The following FGF14 variants were observed in gnomAD, a reference collection of about 807,000 sequenced individuals.
FGF14 encodes fibroblast growth factor 14.
In FGF14, 5 loss-of-function variants were observed where a neutral mutation model predicts 25.5. The ratio of observed to expected loss-of-function variants is 0.20; its 90% CI spans 0.10 to 0.41. The LOEUF is 0.41. Among genes scored for constraint, FGF14 ranks in the 10% least tolerant of loss-of-function variants. The pLI, the probability that FGF14 is intolerant of heterozygous loss-of-function variation, is 1.00. For synonymous variants in FGF14, 138 were observed against 118.3 expected (o/e 1.17, Z -1.08); for missense variants, 222 against 320.1 (o/e 0.69, Z 2.34).
intron 1 of FGF14, among the ~76,000 whole-genome samples, chr13:102,154,117 C>T (rs1436292026): frequency 6.6e-6 from 1 of 152,052 alleles, no homozygotes; most frequent in Non-Finnish European, 1.5e-5. Flanking sequence ...TCTTTGAACT[C>T]CCAATCTAGC....
chr13:101,890,352 A>G (rs755835231), intron 1 of FGF14, among the ~76,000 whole-genome samples: 20 of 152,020 alleles, frequency 1.3e-4, no homozygotes, highest in Non-Finnish European at 2.5e-4. Flanking sequence ...GAAAAAAAAA[A>G]CACATTGTTC....
intron 1 of FGF14, among the ~76,000 whole-genome samples, chr13:102,063,387 G>A (rs1448515130): frequency 2.0e-5 from 3 of 152,108 alleles, no homozygotes; most frequent in Admixed American, 1.3e-4. Context: ...GGCCAAGATG[G>A]GCAGACTGCC....
chr13:101,739,846 G>A (rs560220236), intron 3 of FGF14, among the ~76,000 whole-genome samples: 26 of 152,276 alleles, frequency 1.7e-4, no homozygotes, highest in Non-Finnish European at 3.1e-4. Context: ...GCAGCCCAGC[G>A]CCAGGCCTGA....
chr13:102,144,886 C>G (rs908510378), intron 1 of FGF14, among the ~76,000 whole-genome samples: 3 of 152,112 alleles, frequency 2.0e-5, no homozygotes, highest in Non-Finnish European at 4.4e-5. Context: ...TGATCTAAAT[C>G]AGAAAAGGTA....
At chr13:101,806,648 A>G (rs2041222375) in intron 3 of FGF14, among the ~76,000 whole-genome samples, 1 of 152,146 alleles carries the variant, frequency 6.6e-6, no homozygotes, top group African/African-American at 2.4e-5. Flanking sequence ...AGAATCATTT[A>G]GGTACTGGAG....
intron 3 of FGF14, among the ~76,000 whole-genome samples, chr13:101,861,266 C>A (rs991728288): frequency 6.6e-6 from 1 of 152,074 alleles, no homozygotes; most frequent in Non-Finnish European, 1.5e-5. Flanking sequence ...ATAGTCATTC[C>A]ATGACTATAA....
chr13:101,968,044 A>C (rs1223856450), intron 1 of FGF14, among the ~76,000 whole-genome samples: 4 of 152,212 alleles, frequency 2.6e-5, no homozygotes, highest in African/African-American at 9.6e-5. Flanking sequence ...ACTTGAAAAT[A>C]ATTCTTAAAA....
chr13:101,850,043 A>G (rs2140353372), intron 3 of FGF14, among the ~76,000 whole-genome samples: 1 of 152,038 alleles, frequency 6.6e-6, no homozygotes, highest in African/African-American at 2.4e-5. Flanking sequence ...CAAATATGAG[A>G]GAGGGAGAGG....
chr13:102,158,601 C>G (rs1314363955), intron 1 of FGF14, among the ~76,000 whole-genome samples: 3 of 151,550 alleles, frequency 2.0e-5, no homozygotes, highest in Non-Finnish European at 4.4e-5. Flanking sequence ...AGCACACCAA[C>G]GTGGCACATG....
rs182143051 is a variant in FGF14, at chr13:101,910,705, C to T, written c.193+5748G>A. Reference sequence around the variant, plus strand: ...GCAAATGGTGACATTTTCATGTGATCTGAGTTTCTTAAATTGAATGCTGGA... The same window carrying T: ...GCAAATGGTGACATTTTCATGTGATTTGAGTTTCTTAAATTGAATGCTGGA... On this transcript the variant is annotated intron_variant, in intron 1 of 4. Transcript: ENST00000376143. 2.5e-3 allele frequency among the ~76,000 whole-genome samples: 381 copies of T among 152,156 alleles called. 4 individuals carry two copies. Among genetic ancestry groups the T allele is most frequent in the African/African-American group, 8.7e-3 (361 of 41,516 alleles).
At chr13:102,057,724 G>C (rs1436523813) in intron 1 of FGF14, among the ~76,000 whole-genome samples, 2 of 152,096 alleles carry the variant, frequency 1.3e-5, no homozygotes, top group Non-Finnish European at 2.9e-5. Context: ...GCATAATTCA[G>C]TGCTGACTGA....
At chr13:102,212,311 C>T (rs2050194926) in intron 1 of FGF14, among the ~76,000 whole-genome samples, 1 of 152,162 alleles carries the variant, frequency 6.6e-6, no homozygotes, top group African/African-American at 2.4e-5. Context: ...AGGAGAGTAT[C>T]AACCTTGAGC....
intron 1 of FGF14, among the ~76,000 whole-genome samples, chr13:102,257,494 G>A (rs1460804449): frequency 6.6e-6 from 1 of 151,174 alleles, no homozygotes; most frequent in Admixed American, 6.6e-5. Context: ...TGGGACTATA[G>A]GCATACATCA....
chr13:101,827,148 T>C (rs1180577921), intron 3 of FGF14, among the ~76,000 whole-genome samples: 1 of 152,034 alleles, frequency 6.6e-6, no homozygotes. Flanking sequence ...CATTTTTAAA[T>C]GCAAACTTTT....
chr13:102,260,704 T>G (rs989587599), intron 1 of FGF14, among the ~76,000 whole-genome samples: 1 of 152,236 alleles, frequency 6.6e-6, no homozygotes, highest in Non-Finnish European at 1.5e-5. Flanking sequence ...TAAGACATTC[T>G]GTAAATGGAC....
chr13:102,384,285 C>A (rs560384148), intron 1 of FGF14, among the ~76,000 whole-genome samples: 1 of 152,090 alleles, frequency 6.6e-6, no homozygotes, highest in East Asian at 1.9e-4. Context: ...TTGTATTACA[C>A]GACAAAGAAC....
intron 1 of FGF14, among the ~76,000 whole-genome samples, chr13:102,218,896 C>T (rs1014238183): frequency 2.0e-5 from 3 of 152,048 alleles, no homozygotes; most frequent in Admixed American, 1.3e-4. Flanking sequence ...ATTTTCATGT[C>T]TGCATAATAT....
chr13:101,772,804 C>G (rs2038862021), intron 3 of FGF14, among the ~76,000 whole-genome samples: 1 of 152,054 alleles, frequency 6.6e-6, no homozygotes, highest in African/African-American at 2.4e-5. Context: ...TTGGAAGAAG[C>G]ATTTGAAGGC....
At chr13:102,053,562 G>C (rs775659897) in intron 1 of FGF14, among the ~76,000 whole-genome samples, 4 of 152,006 alleles carry the variant, frequency 2.6e-5, no homozygotes, top group Non-Finnish European at 5.9e-5. Flanking sequence ...AAATGTATGG[G>C]GTATAGTAAA....
Sources: gnomAD v4.1 joint callset for allele counts (sites outside exome capture counted in the v4.1 genomes callset) on GRCh38, gnomAD v4.1.1 for gene constraint, MANE v1.5 for transcripts, NCBI Gene and HGNC (gene_info 2026-07-23, HGNC 2026-07-21) for gene names.